The following ZNF547 variants were observed in gnomAD, a reference collection of about 807,000 sequenced individuals.
ZNF547 encodes zinc finger protein 547.
In ZNF547, 4 loss-of-function variants were observed where a neutral mutation model predicts 7.7. That is an observed-to-expected ratio of 0.52 (90% confidence interval 0.26 to 1.20). The LOEUF (loss-of-function observed/expected upper bound fraction) is 1.20. ZNF547 is among the 50% of genes most tolerant of loss of function. ZNF547 has a pLI of 0.14. For missense variants in ZNF547, 449 were observed against 485.8 expected, an observed-to-expected ratio of 0.92 and a Z score of 0.71; for synonymous variants, 166 against 166.2, an observed-to-expected ratio of 1.00 and a Z score of 0.01.
In ZNF547 at chr19:57,377,679, T is replaced by C. The variant is rs1301427796; in HGVS notation, c.703T>C (p.Ser235Pro). The change falls in exon 4 of 4, where the codon TCT (serine) becomes CCT (proline). Residue 235 changes from serine to proline, a missense_variant. Transcript: ENST00000282282. ...SHLVRHQTIHSGERPYECSEC... is the reference protein window; with the variant it reads ...SHLVRHQTIHPGERPYECSEC... ...CCTTGTTCGTCACCAGACAATCCAC[T>C]CTGGAGAAAGGCCTTATGAGTGCAG... is the stretch of plus-strand genomic sequence containing the variant. The C allele has an allele frequency of 1.2e-6, 2 of 1,610,280 alleles. No homozygotes were observed. Among genetic ancestry groups the C allele is most frequent in the Non-Finnish European group, 1.7e-6 (2 of 1,178,026 alleles).
Position 57,377,159 on chromosome 19 carries a change from A to G in ZNF547, c.183A>G (p.Ala61=), listed in dbSNP as rs538353346. The G allele has an allele frequency of 6.2e-7, 1 of 1,613,910 alleles. No individual in the cohort carries two copies. Among genetic ancestry groups the G allele is most frequent in the East Asian group, 2.2e-5 (1 of 44,876 alleles). ...GCCATGGAGCTGAGGATGAGGAGGC[A>G]CCTTTAGAGCCAGGTGTTTCTGTAG... is the stretch of plus-strand genomic sequence containing the variant. ...GCCHGAEDEE[A]PLEPGVSVGV... Residue 61 remains alanine (A), a synonymous_variant, in exon 4 of 4, where the codon GCA becomes GCG. Coordinates refer to ENST00000282282, the MANE Select transcript of ZNF547 (RefSeq NM_173631.4).
chr19:57,372,138 G>A (rs2088508932), intron 3 of ZNF547, among the ~76,000 whole-genome samples: 1 of 151,834 alleles, frequency 6.6e-6, no homozygotes, highest in Admixed American at 6.5e-5. Context: ...TCAGGATCCA[G>A]AAATGTTGAA....
At position 57,377,831 on chromosome 19, in the gene ZNF547, G is replaced by A. The variant is rs1165291196; in HGVS notation, c.855G>A (p.Arg285=). 6.2e-7 allele frequency: 1 copy of A among 1,613,362 alleles called. No individual in the cohort carries two copies. Among genetic ancestry groups the A allele is most frequent in the African/African-American group, 1.3e-5 (1 of 74,680 alleles). The part of the protein sequence containing the change: ...KFFKCNSNLF[R]HYRIHTGKRS... ...TTAAGTGCAACTCAAACCTCTTTAG[G>A]CATTACAGAATTCATACAGGAAAAA... Residue 285 remains arginine (R), a synonymous_variant, in exon 4 of 4, where the codon AGG becomes AGA. Coordinates refer to ENST00000282282, the MANE Select transcript of ZNF547 (RefSeq NM_173631.4).
At chr19:57,370,439 C>T (rs1600076797) in intron 2 of ZNF547, among the ~76,000 whole-genome samples, 1 of 152,170 alleles carries the variant, frequency 6.6e-6, no homozygotes, top group African/African-American at 2.4e-5. Flanking sequence ...GCGTATTTGC[C>T]GTGCACCACC....
Position 57,377,285 on chromosome 19 carries a change from T to G in ZNF547, c.309T>G (p.Ala103=), listed in dbSNP as rs752146844. 6.2e-7 allele frequency: 1 copy of G among 1,614,202 alleles called. No individual in the cohort carries two copies. Among genetic ancestry groups the G allele is most frequent in the South Asian group, 1.1e-5 (1 of 91,088 alleles). The change falls in exon 4 of 4, where the codon GCT becomes GCG. Residue 103 remains alanine, a synonymous_variant. Transcript: ENST00000282282. ...SSLLKDILRL[A]EHDGTHPEQG... ...TTCTGAAGGACATTCTGCGTCTGGC[T>G]GAGCATGACGGAACACACCCCGAGC...
Position 57,378,696 on chromosome 19 carries a change from A to T in ZNF547, c.*511A>T, listed in dbSNP as rs2088555384. On this transcript the variant is annotated 3_prime_UTR_variant, in exon 4 of 4. Transcript: ENST00000282282. ...TAGTATTATATGGTTTTTAAAAAAC[A>T]ATGGTGAAGTACATGCCACATAAAA... 2.6e-6 allele frequency: 1 copy of T among 386,806 alleles called. No homozygotes were observed. Among genetic ancestry groups the T allele is most frequent in the African/African-American group, 2.1e-5 (1 of 47,146 alleles). 24.0% of individuals were successfully genotyped at this position (386,806 alleles called of 1,614,324 possible). A position where few individuals can be genotyped will look rare whatever the true frequency, so the allele number is the denominator to read the frequency against.
At position 57,377,219 on chromosome 19, in the gene ZNF547, A is replaced by G. The variant is rs1471703269; in HGVS notation, c.243A>G (p.Leu81=). ...VSQVMAPKPC[L]STQNTQPCET... ...AGGTCATGGCTCCAAAGCCCTGTCT[A>G]TCTACCCAGAATACCCAGCCCTGTG... is the stretch of plus-strand genomic sequence containing the variant. Residue 81 remains leucine (L), a synonymous_variant, in exon 4 of 4, where the codon CTA becomes CTG. Coordinates refer to ENST00000282282, the MANE Select transcript of ZNF547 (RefSeq NM_173631.4). 5.6e-6 allele frequency: 9 copies of G among 1,614,084 alleles called. No homozygotes were observed. In the South Asian group the frequency reaches 6.6e-5, roughly 12 times the overall value.
chr19:57,365,229 T>C, intron 1 of ZNF547: 2 of 1,577,766 alleles, frequency 1.3e-6, no homozygotes, highest in Non-Finnish European at 1.7e-6. Flanking sequence ...AAGTTCAGTT[T>C]CTTGGGAAGA....
intron 1 of ZNF547, among the ~76,000 whole-genome samples, chr19:57,365,928 G>C (rs918381935): frequency 2.6e-4 from 39 of 147,572 alleles, no homozygotes; most frequent in Non-Finnish European, 4.9e-4. Flanking sequence ...GCAGTGGCAC[G>C]ATCTTGGCTC....
rs1438769184 is a variant in ZNF547 at position 57,377,839 on chromosome 19, G to T, written c.863G>T (p.Arg288Ile). ...KCNSNLFRHY[R>I]IHTGKRSYGC... ...AACTCAAACCTCTTTAGGCATTACA[G>T]AATTCATACAGGAAAAAGGTCTTAT... The change falls in exon 4 of 4, where the codon AGA becomes ATA. Residue 288 changes from arginine (R) to isoleucine (I), a missense_variant. By Grantham distance (97) the Arg-to-Ile change is moderately conservative. Coordinates refer to ENST00000282282, the MANE Select transcript of ZNF547 (RefSeq NM_173631.4). 1 of 1,613,690 alleles carries T rather than the reference G, an allele frequency of 6.2e-7. No individual in the cohort carries two copies. The highest frequency in any genetic ancestry group is 1.3e-5 in the African/African-American group (1 of 74,766).
intron 3 of ZNF547, among the ~76,000 whole-genome samples, chr19:57,376,506 T>C (rs369239910): frequency 3.9e-5 from 6 of 152,214 alleles, no homozygotes; most frequent in East Asian, 3.9e-4. Flanking sequence ...GCAGAGCTTA[T>C]ATACCTTCTA....
chr19:57,376,206 A>G (rs1344432174), intron 3 of ZNF547, among the ~76,000 whole-genome samples: 1 of 152,144 alleles, frequency 6.6e-6, no homozygotes, highest in African/African-American at 2.4e-5. Flanking sequence ...AGAACTCATG[A>G]TCATGAGAAC....
Position 57,368,550 on chromosome 19 carries a change from C to CT in ZNF547, c.-5dup, listed in dbSNP as rs770901549. 1.9e-6 allele frequency: 3 copies of CT among 1,614,042 alleles called. No individual in the cohort carries two copies. The highest frequency in any genetic ancestry group is 4.5e-5 in the East Asian group (2 of 44,900). On this transcript the variant is annotated 5_prime_UTR_variant, in exon 2 of 4. Coordinates refer to ENST00000282282, the MANE Select transcript of ZNF547 (RefSeq NM_173631.4). Reference sequence around the variant, plus strand: ...GGTTTCCCTCTTCCTTCAGGGTCCCCTGGCGATGGCAGAAATGAACCCTGC... The same window carrying CT: ...GGTTTCCCTCTTCCTTCAGGGTCCCCTTGGCGATGGCAGAAATGAACCCTGC...
intron 3 of ZNF547, among the ~76,000 whole-genome samples, chr19:57,375,562 T>G (rs1434780022): frequency 6.8e-6 from 1 of 147,896 alleles, no homozygotes; most frequent in African/African-American, 2.5e-5. Context: ...CTTGGGAGGC[T>G]GAGGCAGGAG....
chr19:57,371,759 A>AT (rs1412576646), intron 2 of ZNF547, 23 bp from the exon 3 acceptor site: 1 of 1,600,606 alleles, frequency 6.2e-7, no homozygotes, highest in Non-Finnish European at 8.5e-7. Context: ...CTGCTCATGT[A>AT]TTCATCTTTC....
In ZNF547 at chr19:57,378,148, C is replaced by T. The variant is rs145881125; in HGVS notation, c.1172C>T (p.Ser391Phe). The T allele has an allele frequency of 1.1e-5, 17 of 1,611,134 alleles. No homozygotes were observed. Among genetic ancestry groups the T allele is most frequent in the Non-Finnish European group, 1.4e-5 (17 of 1,177,596 alleles). Residue 391 changes from serine (S) to phenylalanine (F), a missense_variant, in exon 4 of 4, where the codon TCT (serine) becomes TTT (phenylalanine). Transcript: ENST00000282282. Reference protein sequence around the residue: ...SECGKFFRYNSTLLRHQKVHT... With the variant: ...SECGKFFRYNFTLLRHQKVHT... ...TGTGGGAAATTCTTTAGGTATAACT[C>T]TACACTTCTCAGACATCAGAAAGTC... is the stretch of plus-strand genomic sequence containing the variant.
chr19:57,370,963 T>TG (rs1302924733), intron 2 of ZNF547: 7 of 151,628 alleles, frequency 4.6e-5, no homozygotes, highest in Non-Finnish European at 8.8e-5. Flanking sequence ...TTTTGTTTTT[T>TG]TTTTTTTAGA....
At chr19:57,365,365 A>G (rs1436983902) in intron 1 of ZNF547, 28 of 775,580 alleles carry the variant, frequency 3.6e-5, no homozygotes, top group Non-Finnish European at 5.3e-5. Flanking sequence ...GTGTATTCTC[A>G]GCTTATCTAA....
intron 2 of ZNF547, among the ~76,000 whole-genome samples, chr19:57,371,308 C>T (rs1467992701): frequency 6.6e-6 from 1 of 152,174 alleles, no homozygotes; most frequent in East Asian, 1.9e-4. Flanking sequence ...AGGCCAATGA[C>T]ACTGAAAGAA....
Sources: allele counts gnomAD v4.1 joint callset (sites outside exome capture counted in the v4.1 genomes callset), GRCh38; gene constraint gnomAD v4.1.1; transcripts MANE v1.5; gene names NCBI Gene and HGNC (gene_info 2026-07-23, HGNC 2026-07-21).